The following CSRNP2 variants were observed in gnomAD, a reference collection of about 807,000 sequenced individuals.
CSRNP2 encodes the protein cysteine and serine rich nuclear protein 2.
A neutral mutation model predicts 36.6 loss-of-function variants in CSRNP2; 11 were observed. That is an observed-to-expected ratio of 0.30 (90% CI 0.19 to 0.50). The LOEUF (loss-of-function observed/expected upper bound fraction) is 0.50, where lower values mean the gene tolerates loss of function less well. Ranked by LOEUF, CSRNP2 falls within the 20% of genes least tolerant of loss-of-function variation. The pLI is 0.98. For missense variants in CSRNP2, 483 were observed against 691.4 expected, an observed-to-expected ratio of 0.70 and a Z score of 3.38; for synonymous variants, 248 against 275.3, an observed-to-expected ratio of 0.90 and a Z score of 0.98.
Position 51,074,217 on chromosome 12 carries a change from A to G in CSRNP2, c.152-135T>C, listed in dbSNP as rs1235987306. ...ACTGCAGCCTCCACCTCCCGGGTTC[A>G]AGCAATTCTCCTGCCTCAGCCTCCT... On this transcript the variant is annotated intron_variant, in intron 2 of 4. Transcript: ENST00000228515. 11 of 986,352 alleles carry G rather than the reference A, an allele frequency of 1.1e-5. No homozygotes were observed. In the Middle Eastern group the frequency reaches 2.0e-3, roughly 177 times the overall value. The allele number at this position is 986,352 out of a possible 1,614,324, so 61.1% of individuals were successfully genotyped here.
At position 51,069,015 on chromosome 12, in the gene CSRNP2, G is replaced by A. The variant is rs547093274; in HGVS notation, c.412-1046C>T. ...TTTTGAGACGGAGTCTCGCTCTGTC[G>A]CCCAGGCTGGAGTGCAGTGGCGTGA... On this transcript the variant is annotated intron_variant, in intron 3 of 4. Coordinates refer to ENST00000228515, the MANE Select transcript of CSRNP2 (RefSeq NM_030809.3). 5.3e-5 allele frequency among the ~76,000 whole-genome samples: 8 copies of A among 151,700 alleles called. No individual in the cohort carries two copies. In the South Asian group the frequency reaches 6.2e-4, roughly 12 times the overall value.
chr12:51,068,129 A>G (rs66781280), intron 3 of CSRNP2, among the ~76,000 whole-genome samples, 160 bp from the exon 4 acceptor site: 31,776 of 152,160 alleles, frequency 0.21, 4,199 homozygotes, highest in East Asian at 0.69. Flanking sequence ...GCTACTGAGC[A>G]CTAGAAATGC....
chr12:51,072,219 AGAG>A (rs1939189242), intron 3 of CSRNP2, among the ~76,000 whole-genome samples: 1 of 152,108 alleles, frequency 6.6e-6, no homozygotes. Flanking sequence ...GAAATTTTTG[AGAG>A]GTAGTAGCAA....
intron 3 of CSRNP2, 55 bp downstream of exon 3, chr12:51,073,768 T>G: frequency 6.6e-7 from 1 of 1,523,056 alleles, no homozygotes; most frequent in East Asian, 2.3e-5. Context: ...AACCAACCAA[T>G]GAACCTAAAT....
At chr12:51,074,649 T>A (rs993161709) in intron 2 of CSRNP2, among the ~76,000 whole-genome samples, 1 of 152,200 alleles carries the variant, frequency 6.6e-6, no homozygotes, top group Admixed American at 6.5e-5. Context: ...TTTTTAGACA[T>A]CAGCTGGGAA....
Position 51,082,137 on chromosome 12 carries a change from C to G in CSRNP2, c.-87+1202G>C, listed in dbSNP as rs1350581867. 2.0e-5 allele frequency among the ~76,000 whole-genome samples: 3 copies of G among 152,194 alleles called. No homozygotes were observed. The East Asian group carries it at 5.8e-4, about 29-fold the overall frequency. On this transcript the variant is annotated intron_variant, in intron 1 of 4. Transcript: ENST00000228515. ...ATAAACCTGAATAAAATGACCTGCC[C>G]TGTTTCTCCTTTTACAAGATACTGT...
chr12:51,083,034 T>C (rs1939702580), intron 1 of CSRNP2: 3 of 152,174 alleles, frequency 2.0e-5, no homozygotes, highest in Admixed American at 2.0e-4. Flanking sequence ...CTCCACTCCA[T>C]TCCGAACTCA....
intron 4 of CSRNP2, among the ~76,000 whole-genome samples, chr12:51,065,883 TAAAG>T (rs375018192): frequency 1.6e-3 from 242 of 152,244 alleles, no homozygotes; most frequent in Non-Finnish European, 2.6e-3. Flanking sequence ...CAGCTAAAAA[TAAAG>T]AAAGAGTGAG....
intron 2 of CSRNP2, among the ~76,000 whole-genome samples, chr12:51,075,422 T>C (rs916022339): frequency 6.6e-6 from 1 of 152,008 alleles, no homozygotes; most frequent in Non-Finnish European, 1.5e-5. Flanking sequence ...ACTAACCACA[T>C]TTCAAGTGCT....
chr12:51,074,642 T>C (rs1939319141), intron 2 of CSRNP2, among the ~76,000 whole-genome samples: 1 of 152,204 alleles, frequency 6.6e-6, no homozygotes, highest in Non-Finnish European at 1.5e-5. Context: ...AAATCCATTT[T>C]TAGACATCAG....
intron 3 of CSRNP2, 37 bp downstream of exon 3, chr12:51,073,780 GTTTCCT>G (rs1939284921): frequency 1.3e-6 from 2 of 1,564,036 alleles, no homozygotes; most frequent in Admixed American, 2.0e-5. Flanking sequence ...AACCTAAATG[GTTTCCT>G]ACATGGACAG....
intron 1 of CSRNP2, 168 bp downstream of exon 1, chr12:51,083,171 A>C (rs1939707542): frequency 6.6e-6 from 1 of 151,152 alleles, no homozygotes; most frequent in Non-Finnish European, 1.5e-5. Flanking sequence ...GTTCCTTCCC[A>C]ACGGCACCCG....
In CSRNP2 at chr12:51,083,344, C is replaced by T; in HGVS notation, c.-92G>A. On this transcript the variant is annotated 5_prime_UTR_variant, in exon 1 of 5. Transcript: ENST00000228515. ...CGCACCCCTAGGCCCATTACCGGCC[C>T]CGCCGCAGCTGCCTCCTCCCGTGAT... 1 of 154,624 alleles carries T rather than the reference C, an allele frequency of 6.5e-6. No homozygotes were observed. The highest frequency in any genetic ancestry group is 1.4e-5 in the Non-Finnish European group (1 of 69,322). The allele number at this position is 154,624 out of a possible 1,614,324, so 9.6% of individuals were successfully genotyped here. A position where few individuals can be genotyped will look rare whatever the true frequency, so the allele number is the denominator to read the frequency against.
intron 2 of CSRNP2, among the ~76,000 whole-genome samples, chr12:51,076,134 C>A (rs1425869055): frequency 6.6e-6 from 1 of 152,204 alleles, no homozygotes; most frequent in African/African-American, 2.4e-5. Context: ...TTTCCTGGAA[C>A]TCTCTGGGAC....
In CSRNP2 at chr12:51,062,042, CA is replaced by C. The variant is rs1592732253; in HGVS notation, c.*1703del. On this transcript the variant is annotated 3_prime_UTR_variant, in exon 5 of 5. Coordinates refer to ENST00000228515, the MANE Select transcript of CSRNP2 (RefSeq NM_030809.3). ...GGATCTGTGTACTTAAGTTCCCCTC[CA>C]AACTAAAACCAAGCAAAAACTGGAA... is the stretch of plus-strand genomic sequence containing the variant. 1 of 151,998 alleles carries C rather than the reference CA, an allele frequency of 6.6e-6. No homozygotes were observed. Among genetic ancestry groups the C allele is most frequent in the East Asian group, 1.9e-4 (1 of 5,192 alleles). 9.4% of individuals were successfully genotyped at this position (151,998 alleles called of 1,614,324 possible).
chr12:51,063,554 G>A lies in CSRNP2; in HGVS notation c.*192C>T. On this transcript the variant is annotated 3_prime_UTR_variant, in exon 5 of 5. Coordinates refer to ENST00000228515, the MANE Select transcript of CSRNP2 (RefSeq NM_030809.3). ...GCCCCAAGACTATCCCCAGATCAAGGTAGGGCTGGTCTCCTTGGTACTGTT... is the reference window on the plus strand; with the variant it reads ...GCCCCAAGACTATCCCCAGATCAAGATAGGGCTGGTCTCCTTGGTACTGTT... 2.1e-6 allele frequency: 1 copy of A among 470,256 alleles called. No individual in the cohort carries two copies. The highest frequency in any genetic ancestry group is 3.6e-5 in the Admixed American group (1 of 27,748). 29.1% of individuals were successfully genotyped at this position (470,256 alleles called of 1,614,324 possible).
In CSRNP2 at chr12:51,063,486, G is replaced by GTGGCCCAGAAAGCTT. The variant is rs1937779468; in HGVS notation, c.*245_*259dup. The GTGGCCCAGAAAGCTT allele has an allele frequency of 7.6e-6, 2 of 262,924 alleles. No individual in the cohort carries two copies. Among genetic ancestry groups the GTGGCCCAGAAAGCTT allele is most frequent in the Admixed American group, 9.7e-5 (2 of 20,532 alleles). 16.3% of individuals were successfully genotyped at this position (262,924 alleles called of 1,614,324 possible). On this transcript the variant is annotated 3_prime_UTR_variant, in exon 5 of 5. Coordinates refer to ENST00000228515, the MANE Select transcript of CSRNP2 (RefSeq NM_030809.3). ...TGTGAGATCCTAGTTCTTTGTTCCA[G>GTGGCCCAGAAAGCTT]TGGCCCAGAAAGCTTAATGTTCAGC...
rs953029293 is a variant in CSRNP2, at chr12:51,073,877, T to C, written c.357A>G (p.Arg119=). 5 of 1,614,116 alleles carry C rather than the reference T, an allele frequency of 3.1e-6. No homozygotes were observed. In the Admixed American group the frequency reaches 5.0e-5, roughly 16 times the overall value. The stretch of plus-strand genomic sequence containing the variant: ...CCTTCAGGTGCTCACGCAGAATCTC[T>C]CGATGGTTCACCTCCTGTTCCTGGG... ...EFAQEQEVNH[R]EILREHLKEE... The change falls in exon 3 of 5, where the codon CGA becomes CGG. Residue 119 remains arginine (R), a synonymous_variant. Coordinates refer to ENST00000228515, the MANE Select transcript of CSRNP2 (RefSeq NM_030809.3).
intron 1 of CSRNP2, among the ~76,000 whole-genome samples, chr12:51,077,335 G>C (rs185419124): frequency 1.2e-4 from 19 of 152,258 alleles, no homozygotes; most frequent in Middle Eastern, 6.8e-3. Flanking sequence ...ATAGAAATAC[G>C]ACTGCTGTGT....
Sources: allele counts gnomAD v4.1 joint callset (sites outside exome capture counted in the v4.1 genomes callset), GRCh38; gene constraint gnomAD v4.1.1; transcripts MANE v1.5; gene names NCBI Gene and HGNC (gene_info 2026-07-23, HGNC 2026-07-21).